The following DIAPH3 variants were observed in gnomAD, a reference collection of about 807,000 sequenced individuals.
The protein encoded by DIAPH3 is diaphanous related formin 3.
In DIAPH3, 117 loss-of-function variants were observed where a neutral mutation model predicts 144.3. The observed-to-expected ratio is 0.81, with a 90% confidence interval of 0.70 to 0.95. The LOEUF (loss-of-function observed/expected upper bound fraction) is 0.95. DIAPH3 is among the 40% of genes least tolerant of loss of function. The pLI is 0.00. For synonymous variants in DIAPH3, 519 were observed against 488.9 expected (o/e 1.06, Z -0.81); for missense variants, 1,421 against 1,412.7 (o/e 1.01, Z -0.09).
At position 60,078,536 on chromosome 13, in the gene DIAPH3, AT is replaced by A. The variant is rs369274591; in HGVS notation, c.495+15091del. On this transcript the variant is annotated intron_variant, in intron 4 of 27. Transcript: ENST00000400324. ...TATACAGGAAAGAATAGAATGGGTC[AT>A]TCAAAGTTAAAATTCAGGAGTAGAA... Among the ~76,000 whole-genome samples, 501 of 152,230 alleles carry A rather than the reference AT, an allele frequency of 3.3e-3. 2 individuals carry two copies. The highest frequency in any genetic ancestry group is 0.011 in the African/African-American group (461 of 41,566).
chr13:60,048,072 T>C (rs898932849), intron 4 of DIAPH3, among the ~76,000 whole-genome samples: 7 of 152,214 alleles, frequency 4.6e-5, no homozygotes, highest in Admixed American at 1.3e-4. Flanking sequence ...TGCCTGCACA[T>C]GCAGTGGATT....
At chr13:59,783,312 A>C (rs537304807) in intron 25 of DIAPH3, among the ~76,000 whole-genome samples, 1 of 152,312 alleles carries the variant, frequency 6.6e-6, no homozygotes, top group Admixed American at 6.5e-5. Flanking sequence ...GGCTCAGCCA[A>C]TTGTATATAT....
chr13:59,847,395 A>G (rs2042705006), intron 22 of DIAPH3, among the ~76,000 whole-genome samples: 1 of 152,196 alleles, frequency 6.6e-6, no homozygotes, highest in Non-Finnish European at 1.5e-5. Flanking sequence ...GCCCCCAGTC[A>G]ATTCTGTTGA....
intron 19 of DIAPH3, among the ~76,000 whole-genome samples, chr13:59,913,552 T>C (rs143739391): frequency 0.012 from 1,758 of 152,324 alleles, 34 homozygotes; most frequent in African/African-American, 0.04. Flanking sequence ...ACATATTCTA[T>C]AGGTCTAAAC....
At chr13:60,067,918 T>C (rs2057036181) in intron 4 of DIAPH3, among the ~76,000 whole-genome samples, 1 of 152,186 alleles carries the variant, frequency 6.6e-6, no homozygotes, top group Non-Finnish European at 1.5e-5. Context: ...GGTGTGTGCA[T>C]GCACCCACAC....
At chr13:59,976,815 A>T (rs1426325610) in intron 14 of DIAPH3, among the ~76,000 whole-genome samples, 1 of 151,842 alleles carries the variant, frequency 6.6e-6, no homozygotes, top group Non-Finnish European at 1.5e-5. Flanking sequence ...TCCAGACTAC[A>T]AATCAGTCCA....
At chr13:60,057,668 A>G (rs1359443879) in intron 4 of DIAPH3, among the ~76,000 whole-genome samples, 1 of 152,096 alleles carries the variant, frequency 6.6e-6, no homozygotes, top group Non-Finnish European at 1.5e-5. Flanking sequence ...ATAGTAACCA[A>G]AACAGCATGG....
chr13:60,074,045 A>C (rs2057298828), intron 4 of DIAPH3, among the ~76,000 whole-genome samples: 1 of 152,190 alleles, frequency 6.6e-6, no homozygotes, highest in Non-Finnish European at 1.5e-5. Context: ...ACTAATGCTG[A>C]AAACTTTGAT....
chr13:59,733,167 A>G (rs1258610552), intron 27 of DIAPH3, among the ~76,000 whole-genome samples: 2 of 152,188 alleles, frequency 1.3e-5, no homozygotes, highest in East Asian at 3.8e-4. Flanking sequence ...TTCTTCTTAC[A>G]TCATAGCTAA....
intron 4 of DIAPH3, among the ~76,000 whole-genome samples, chr13:60,077,890 T>C (rs1251470110): frequency 1.3e-5 from 2 of 152,100 alleles, no homozygotes; most frequent in African/African-American, 4.8e-5. Flanking sequence ...TCTCTATCAT[T>C]TGGCTTCCTG....
chr13:59,773,391 G>A (rs1201949708), intron 27 of DIAPH3, among the ~76,000 whole-genome samples: 2 of 152,092 alleles, frequency 1.3e-5, no homozygotes, highest in African/African-American at 2.4e-5. Flanking sequence ...TAAGTCATCT[G>A]CACCCAAAAA....
intron 13 of DIAPH3, 21 bp from the exon 14 acceptor site, chr13:59,980,880 A>G (rs1449709332): frequency 1.2e-6 from 2 of 1,600,474 alleles, no homozygotes; most frequent in Non-Finnish European, 1.7e-6. Context: ...AATGACAGGA[A>G]ATTTTTAATG....
At chr13:59,862,479 G>A (rs2043655359) in intron 21 of DIAPH3, among the ~76,000 whole-genome samples, 1 of 152,136 alleles carries the variant, frequency 6.6e-6, no homozygotes, top group Admixed American at 6.6e-5. Flanking sequence ...GGGAAAGAGG[G>A]CAGTCTGAAT....
At chr13:59,953,799 T>C (rs1159445321) in intron 17 of DIAPH3, among the ~76,000 whole-genome samples, 1 of 152,174 alleles carries the variant, frequency 6.6e-6, no homozygotes, top group African/African-American at 2.4e-5. Flanking sequence ...GCATACAAAG[T>C]ATATGATAAA....
chr13:59,671,206 ATACTC>A (rs1452357128), intron 27 of DIAPH3, among the ~76,000 whole-genome samples: 1 of 152,238 alleles, frequency 6.6e-6, no homozygotes, highest in African/African-American at 2.4e-5. Context: ...AGAAAACTCT[ATACTC>A]TACCAGGTGC....
chr13:59,811,136 C>T (rs1260203129), intron 24 of DIAPH3, among the ~76,000 whole-genome samples: 1 of 152,014 alleles, frequency 6.6e-6, no homozygotes, highest in East Asian at 1.9e-4. Flanking sequence ...TAAACTTAAA[C>T]CTGCATCTTT....
intron 24 of DIAPH3, among the ~76,000 whole-genome samples, chr13:59,816,559 C>T (rs891778559): frequency 6.6e-6 from 1 of 151,570 alleles, no homozygotes; most frequent in Non-Finnish European, 1.5e-5. Flanking sequence ...ATCTAATTAA[C>T]TTGTCTTTTC....
intron 1 of DIAPH3, among the ~76,000 whole-genome samples, chr13:60,149,709 T>TGGGTG (rs530517143): frequency 0.01 from 1,404 of 136,636 alleles, 14 homozygotes; most frequent in South Asian, 0.019. Context: ...GCCATGATTG[T>TGGGTG]ACCACTGCAC....
chr13:59,983,601 T>C (rs2051171033), intron 13 of DIAPH3, among the ~76,000 whole-genome samples, 168 bp downstream of exon 13: 1 of 151,520 alleles, frequency 6.6e-6, no homozygotes, highest in Non-Finnish European at 1.5e-5. Flanking sequence ...CAGTGCAAAA[T>C]ACCAACCCAA....
Sources: gnomAD v4.1 joint callset for allele counts (sites outside exome capture counted in the v4.1 genomes callset) on GRCh38, gnomAD v4.1.1 for gene constraint, MANE v1.5 for transcripts, NCBI Gene and HGNC (gene_info 2026-07-23, HGNC 2026-07-21) for gene names.